Variants in OSBPL10 observed in about 807,000 individuals in gnomAD.
The protein encoded by OSBPL10 is oxysterol binding protein like 10.
In OSBPL10, 49 loss-of-function variants were observed where a neutral mutation model predicts 81.7. The observed-to-expected ratio is 0.60, with a 90% confidence interval of 0.48 to 0.76. OSBPL10 has a LOEUF of 0.76. Among genes scored for constraint, OSBPL10 ranks in the 30% least tolerant of loss-of-function variants. OSBPL10 has a pLI of 0.00. For missense variants in OSBPL10, 923 were observed against 987.8 expected, an observed-to-expected ratio of 0.93 and a Z score of 0.88; for synonymous variants, 419 against 383.6, an observed-to-expected ratio of 1.09 and a Z score of -1.08.
At chr3:31,783,754 G>A (rs1293886215) in intron 4 of OSBPL10, among the ~76,000 whole-genome samples, 1 of 113,778 alleles carries the variant, frequency 8.8e-6, no homozygotes, top group Admixed American at 1.2e-4. Flanking sequence ...TCACACCACT[G>A]CACCCCAGAC....
intron 4 of OSBPL10, among the ~76,000 whole-genome samples, chr3:31,789,269 T>C (rs901206778): frequency 6.6e-6 from 1 of 152,218 alleles, no homozygotes; most frequent in East Asian, 1.9e-4. Flanking sequence ...TTTTCTTCCA[T>C]ATCCTGTAGA....
chr3:31,792,428 G>A (rs1335784119), intron 4 of OSBPL10, among the ~76,000 whole-genome samples: 1 of 152,118 alleles, frequency 6.6e-6, no homozygotes, highest in Non-Finnish European at 1.5e-5. Context: ...TAAACAGGTT[G>A]CAAAATGGTT....
intron 1 of OSBPL10, among the ~76,000 whole-genome samples, chr3:32,048,092 A>G (rs553023664): frequency 2.0e-5 from 3 of 152,104 alleles, no homozygotes; most frequent in Non-Finnish European, 4.4e-5. Context: ...CCCAGCCCCT[A>G]TTAAAGATGG....
intron 7 of OSBPL10, among the ~76,000 whole-genome samples, chr3:31,697,750 AT>A (rs1408850141): frequency 1.3e-5 from 2 of 151,914 alleles, no homozygotes; most frequent in East Asian, 3.9e-4. Flanking sequence ...CACCTAGGTT[AT>A]TACAGTAGCT....
intron 4 of OSBPL10, among the ~76,000 whole-genome samples, chr3:31,771,235 T>C (rs577418642): frequency 2.9e-4 from 44 of 152,354 alleles, no homozygotes; most frequent in African/African-American, 1.1e-3. Context: ...GACAGGCATG[T>C]AGGAAACACT....
At chr3:31,927,731 A>G (rs1697116659) in intron 1 of OSBPL10, among the ~76,000 whole-genome samples, 1 of 152,188 alleles carries the variant, frequency 6.6e-6, no homozygotes, top group Non-Finnish European at 1.5e-5. Flanking sequence ...CCTTCATGCC[A>G]GCTCCTTCTC....
rs1698341014 is a variant in OSBPL10 at position 31,965,644 on chromosome 3, A to AATTATATATTATATAATATATTATATAT, written c.281+15254_281+15255insATATATAATATATTATATAATATATAAT. Among the ~76,000 whole-genome samples, 4 of 61,778 alleles carry AATTATATATTATATAATATATTATATAT rather than the reference A, an allele frequency of 6.5e-5. 1 individual carries two copies. The highest frequency in any genetic ancestry group is 3.3e-4 in the Admixed American group (1 of 3,062). The allele number at this position is 61,778 out of a possible 152,430, so 40.5% of individuals were successfully genotyped here. ...TATATATTATATAATATATTATATA[A>AATTATATATTATATAATATATTATATAT]ATTATATATTATATATTATATATTT... On this transcript the variant is annotated intron_variant, in intron 1 of 11. Coordinates refer to ENST00000396556, the MANE Select transcript of OSBPL10 (RefSeq NM_017784.5).
At chr3:31,840,453 CACG>C (rs958374304) in intron 3 of OSBPL10, among the ~76,000 whole-genome samples, 1 of 152,218 alleles carries the variant, frequency 6.6e-6, no homozygotes, top group African/African-American at 2.4e-5. Context: ...AAAATTAAAT[CACG>C]ACATCATCAA....
intron 1 of OSBPL10, among the ~76,000 whole-genome samples, chr3:31,893,645 A>C (rs1304320440): frequency 1.3e-5 from 2 of 152,252 alleles, no homozygotes; most frequent in African/African-American, 4.8e-5. Flanking sequence ...TTAACTGGTG[A>C]ATGGATAAAG....
intron 1 of OSBPL10, among the ~76,000 whole-genome samples, chr3:31,898,036 A>C (rs1434015131): frequency 7.8e-4 from 79 of 101,758 alleles, no homozygotes; most frequent in Non-Finnish European, 1.1e-3. Context: ...AAAAAAAAAA[A>C]ACAGAAGAAG....
At chr3:31,662,900 GCAGGGCTCCCACA>G (rs1700101227) in intron 11 of OSBPL10, 4 of 985,340 alleles carry the variant, frequency 4.1e-6, no homozygotes, top group Non-Finnish European at 4.8e-6. Context: ...CCTCACCTGG[GCAGGGCTCCCACA>G]CAGGGTCCCC....
At chr3:31,806,662 C>T (rs929070504) in intron 4 of OSBPL10, among the ~76,000 whole-genome samples, 13 of 151,938 alleles carry the variant, frequency 8.6e-5, no homozygotes, top group Non-Finnish European at 1.6e-4. Flanking sequence ...CAGTAACAAG[C>T]GCTGTTGAAA....
At chr3:31,708,257 G>A (rs889156849) in intron 6 of OSBPL10, among the ~76,000 whole-genome samples, 24 of 152,136 alleles carry the variant, frequency 1.6e-4, no homozygotes, top group African/African-American at 5.8e-4. Context: ...AACAATAATA[G>A]TGTTAGTGTT....
chr3:31,778,554 A>G (rs1163195238), intron 4 of OSBPL10, among the ~76,000 whole-genome samples: 3 of 152,110 alleles, frequency 2.0e-5, no homozygotes, highest in African/African-American at 7.2e-5. Context: ...GAAATTTGGG[A>G]TTATGTTAAA....
chr3:31,762,261 A>T (rs1698068383), intron 4 of OSBPL10, among the ~76,000 whole-genome samples: 1 of 152,046 alleles, frequency 6.6e-6, no homozygotes, highest in African/African-American at 2.4e-5. Context: ...CTTCCCCCAC[A>T]TTTATCTTTC....
chr3:31,878,274 T>C (rs1347354486), intron 2 of OSBPL10, among the ~76,000 whole-genome samples: 2 of 152,202 alleles, frequency 1.3e-5, no homozygotes, highest in Non-Finnish European at 2.9e-5. Flanking sequence ...GTTTGTATCA[T>C]TTTATAAACC....
At chr3:32,015,403 C>G (rs1699303832) in intron 2 of OSBPL10, among the ~76,000 whole-genome samples, 1 of 152,194 alleles carries the variant, frequency 6.6e-6, no homozygotes, top group South Asian at 2.1e-4. Flanking sequence ...ACATAGAAAG[C>G]TGAAACTGGA....
chr3:32,077,514 G>C (rs562045622), exon 1 of OSBPL10: 1 of 152,172 alleles, frequency 6.6e-6, no homozygotes. Context: ...GCAGCTTCCT[G>C]GGCATGCACA....
chr3:31,846,423 A>C (rs1700633370), intron 3 of OSBPL10, among the ~76,000 whole-genome samples: 1 of 152,140 alleles, frequency 6.6e-6, no homozygotes. Context: ...CAGGAGTTCG[A>C]GATCAGTCTG....
Sources: gnomAD v4.1 joint callset for allele counts (sites outside exome capture counted in the v4.1 genomes callset) on GRCh38, gnomAD v4.1.1 for gene constraint, MANE v1.5 for transcripts, NCBI Gene and HGNC (gene_info 2026-07-23, HGNC 2026-07-21) for gene names.